The following HSF1 variants were observed in gnomAD, a reference collection of about 807,000 sequenced individuals.
HSF1 encodes the protein heat shock transcription factor 1, also known as heat shock factor protein 1.
In HSF1, 32 loss-of-function variants were observed where a neutral mutation model predicts 51.7. The ratio of observed to expected loss-of-function variants is 0.62; its 90% CI spans 0.47 to 0.83. The LOEUF (loss-of-function observed/expected upper bound fraction) is 0.83, where lower values mean the gene tolerates loss of function less well. Among genes scored for constraint, HSF1 ranks in the 40% least tolerant of loss-of-function variants. The probability of loss-of-function intolerance (pLI) is 0.00; values close to 1 mark genes in which losing one functional copy is unlikely to be tolerated. For synonymous variants in HSF1, 396 were observed against 309.7 expected, an observed-to-expected ratio of 1.28 and a Z score of -2.92; for missense variants, 727 against 717.0, an observed-to-expected ratio of 1.01 and a Z score of -0.16.
Position 144,312,185 on chromosome 8 carries a change from T to TTCCCAACC in HSF1, c.1083_1084insTCCCAACC (p.Pro362SerfsTer18). On this transcript the variant is annotated frameshift_variant, in exon 9 of 13. Transcript: ENST00000528838. LOFTEE classifies it high-confidence loss of function. ...GCCACACGGACACCGAGGGCCGGCC[T>TTCCCAACC]CCCTCCCCCCCGCCCACCTCCACCC... 1.3e-6 allele frequency: 2 copies of TTCCCAACC among 1,532,850 alleles called. No homozygotes were observed. Among genetic ancestry groups the TTCCCAACC allele is most frequent in the Non-Finnish European group, 1.8e-6 (2 of 1,117,428 alleles). 95.0% of individuals were successfully genotyped at this position (1,532,850 alleles called of 1,614,324 possible).
intron 1 of HSF1, among the ~76,000 whole-genome samples, chr8:144,308,480 C>T (rs1320434585): frequency 2.0e-5 from 3 of 152,230 alleles, no homozygotes; most frequent in Admixed American, 6.5e-5. Flanking sequence ...CTTCGCTGTT[C>T]CCAAGGGAAA....
At chr8:144,313,284 C>T (rs1199968518) in intron 9 of HSF1, 1 of 535,782 alleles carries the variant, frequency 1.9e-6, no homozygotes, top group Non-Finnish European at 3.3e-6. Flanking sequence ...CCCCCAGGCC[C>T]TCATGGCAAA....
chr8:144,309,143 G>T, intron 2 of HSF1, 129 bp downstream of exon 2: 1 of 778,642 alleles, frequency 1.3e-6, no homozygotes. Context: ...GTGGGACCCT[G>T]CAAGCCTGGG....
At chr8:144,300,642 T>A (rs1358769968) in intron 1 of HSF1, among the ~76,000 whole-genome samples, 1 of 152,164 alleles carries the variant, frequency 6.6e-6, no homozygotes, top group Non-Finnish European at 1.5e-5. Context: ...TTCCACAAAC[T>A]GTTTGACGAG....
In HSF1 at chr8:144,297,093, A is replaced by G. The variant is rs1413652573; in HGVS notation, c.117+5219A>G. On this transcript the variant is annotated intron_variant, in intron 1 of 12. Transcript: ENST00000528838. This position sits in a 1 kb window ranked among gnomAD's most constrained non-coding sequence, Gnocchi z 4.6. ...CAGGGATGGACAGCCTGGCCCTGAA[A>G]GTCTCTCAGTTTTGGAGGAGTCAGC... Among the ~76,000 whole-genome samples, 1 of 152,116 alleles carries G rather than the reference A, an allele frequency of 6.6e-6. No individual in the cohort carries two copies. Among genetic ancestry groups the G allele is most frequent in the Non-Finnish European group, 1.5e-5 (1 of 68,018 alleles).
Position 144,311,310 on chromosome 8 carries a change from T to A in HSF1, c.565-11T>A. The A allele has an allele frequency of 6.2e-7, 1 of 1,613,878 alleles. No homozygotes were observed. The highest frequency in any genetic ancestry group is 8.5e-7 in the Non-Finnish European group (1 of 1,180,014). On this transcript the variant is annotated splice_polypyrimidine_tract_variant and intron_variant, in intron 5 of 12. Coordinates refer to ENST00000528838, the MANE Select transcript of HSF1 (RefSeq NM_005526.4). Reference sequence around the variant, plus strand: ...CAAGGGCCGGGGTAACTGTGTCCTCTCTCTCCACAGCTCATTCAGTTCCTG... The same window carrying A: ...CAAGGGCCGGGGTAACTGTGTCCTCACTCTCCACAGCTCATTCAGTTCCTG...
At chr8:144,292,820 G>A (rs1735492231) in intron 1 of HSF1, among the ~76,000 whole-genome samples, 1 of 152,186 alleles carries the variant, frequency 6.6e-6, no homozygotes, top group Admixed American at 6.5e-5. Context: ...AAATTTGCCG[G>A]GCGTGGTGGT....
intron 1 of HSF1, among the ~76,000 whole-genome samples, chr8:144,298,245 C>A (rs1047301646): frequency 6.6e-6 from 1 of 152,134 alleles, no homozygotes; most frequent in Non-Finnish European, 1.5e-5. Context: ...GGTTGCCTGA[C>A]ATGTTCAACT....
rs142388764 is a variant in HSF1, at chr8:144,313,463, G to C, written c.1143-48G>C. 1,693 of 1,238,604 alleles carry C rather than the reference G, an allele frequency of 1.4e-3. 17 individuals are homozygous for C. In the African/African-American group the frequency reaches 0.023, roughly 16 times the overall value. 76.7% of individuals were successfully genotyped at this position (1,238,604 alleles called of 1,614,324 possible). Reference sequence around the variant, plus strand: ...CCTTCTCCCACAGGAGGGCATTGGGGTGTGGGGCCTGGGGCACTGGTTCAG... The same window carrying C: ...CCTTCTCCCACAGGAGGGCATTGGGCTGTGGGGCCTGGGGCACTGGTTCAG... On this transcript the variant is annotated intron_variant, in intron 9 of 12. Transcript: ENST00000528838.
chr8:144,312,630 T>C (rs1816759647), intron 9 of HSF1: 2 of 1,535,178 alleles, frequency 1.3e-6, no homozygotes, highest in African/African-American at 1.4e-5. Context: ...TCTTGCAGTT[T>C]GGCTCGCACT....
chr8:144,294,343 C>G (rs546105697), intron 1 of HSF1, among the ~76,000 whole-genome samples: 20 of 152,222 alleles, frequency 1.3e-4, no homozygotes, highest in African/African-American at 4.6e-4. Flanking sequence ...GGGCACCCTC[C>G]CACAAATCTA....
intron 4 of HSF1, chr8:144,310,551 T>A (rs1295266258): frequency 6.3e-6 from 1 of 157,624 alleles, no homozygotes; most frequent in Non-Finnish European, 1.4e-5. Flanking sequence ...GGCCTCAGAC[T>A]CTCCTGCATG....
chr8:144,312,372 C>G, intron 9 of HSF1, 128 bp downstream of exon 9: 1 of 755,412 alleles, frequency 1.3e-6, no homozygotes, highest in Non-Finnish European at 2.1e-6. Flanking sequence ...AACCTCGGAG[C>G]TCGGGGCTGG....
At chr8:144,310,812 C>T (rs1816586105) in intron 4 of HSF1, 2 of 324,272 alleles carry the variant, frequency 6.2e-6, no homozygotes, top group Admixed American at 4.6e-5. Context: ...CCTCCCTTAA[C>T]CTGGCTGCTC....
At chr8:144,293,016 C>T (rs4977219) in intron 1 of HSF1, among the ~76,000 whole-genome samples, 1 of 151,930 alleles carries the variant, frequency 6.6e-6, no homozygotes, top group Non-Finnish European at 1.5e-5. Flanking sequence ...GCACCGTGAC[C>T]GGCAGGGTGC....
Position 144,309,915 on chromosome 8 carries a change from T to A in HSF1, c.488+19T>A. 2 of 1,609,680 alleles carry A rather than the reference T, an allele frequency of 1.2e-6. No homozygotes were observed. Among genetic ancestry groups the A allele is most frequent in the Non-Finnish European group, 1.7e-6 (2 of 1,177,328 alleles). On this transcript the variant is annotated intron_variant, in intron 4 of 12. Transcript: ENST00000528838. ...TGAAGCAGTAGGTCCCACACCAGCA[T>A]TATGGGCCACAGCGGGTCCTGGCGC... is the stretch of plus-strand genomic sequence containing the variant.
chr8:144,312,165 AC>A lies in HSF1; in HGVS notation c.1064del (p.Thr355ArgfsTer22). On this transcript the variant is annotated frameshift_variant, in exon 9 of 13. Coordinates refer to ENST00000528838, the MANE Select transcript of HSF1 (RefSeq NM_005526.4). LOFTEE classifies it high-confidence loss of function. ...AGCCCTCACGGACGCCAGGGGCCACACGGACACCGAGGGCCGGCCTCCCTCC... is the reference window on the plus strand; with the variant it reads ...AGCCCTCACGGACGCCAGGGGCCACAGGACACCGAGGGCCGGCCTCCCTCC... ...VTALTDARGHTDTEGRPPSPP... is the reference protein window; with the variant it reads ...VTALTDARGHXDTEGRPPSPP... 6.2e-7 allele frequency: 1 copy of A among 1,609,152 alleles called. No homozygotes were observed. The highest frequency in any genetic ancestry group is 8.5e-7 in the Non-Finnish European group (1 of 1,177,934).
intron 1 of HSF1, among the ~76,000 whole-genome samples, chr8:144,308,033 C>G (rs1262337603): frequency 6.6e-6 from 1 of 152,236 alleles, no homozygotes; most frequent in Non-Finnish European, 1.5e-5. Flanking sequence ...TTCTCCACTT[C>G]TAGTGCCACA....
At chr8:144,300,067 C>G (rs1345371588) in intron 1 of HSF1, among the ~76,000 whole-genome samples, 1 of 152,176 alleles carries the variant, frequency 6.6e-6, no homozygotes, top group Non-Finnish European at 1.5e-5. Flanking sequence ...ACTCCAGAAG[C>G]CTGGGCTTTA....
Sources: allele counts gnomAD v4.1 joint callset (sites outside exome capture counted in the v4.1 genomes callset), GRCh38; gene constraint gnomAD v4.1.1; non-coding constraint Gnocchi (gnomAD v3.1); transcripts MANE v1.5; gene names NCBI Gene and HGNC (gene_info 2026-07-23, HGNC 2026-07-21).